The following FBXO36 variants were observed in gnomAD, a reference collection of about 807,000 sequenced individuals.
The protein encoded by FBXO36 is F-box protein 36, also known as F-box only protein 36.
Under a neutral mutation model 17.0 loss-of-function variants are expected in FBXO36, and 18 were observed. The ratio of observed to expected loss-of-function variants is 1.06; its 90% CI spans 0.73 to 1.57. The LOEUF is 1.57. Among genes scored for constraint, FBXO36 ranks in the 40% most tolerant of loss-of-function variants. FBXO36 has a pLI of 0.00. For missense variants in FBXO36, 229 were observed against 221.9 expected, an observed-to-expected ratio of 1.03 and a Z score of -0.20; for synonymous variants, 83 against 85.3, an observed-to-expected ratio of 0.97 and a Z score of 0.15.
At chr2:230,003,090 A>G (rs2077368693) in intron 3 of FBXO36, among the ~76,000 whole-genome samples, 1 of 151,650 alleles carries the variant, frequency 6.6e-6, no homozygotes, top group Non-Finnish European at 1.5e-5. Flanking sequence ...GCATGCGCCT[A>G]TAGTCCCAGC....
intron 1 of FBXO36, among the ~76,000 whole-genome samples, chr2:229,954,191 A>G (rs1337702188): frequency 1.3e-5 from 2 of 149,950 alleles, no homozygotes; most frequent in African/African-American, 4.9e-5. Flanking sequence ...TTGTTGACTC[A>G]ATAGGTAAAT....
At chr2:229,967,974 C>G (rs1198064242) in intron 1 of FBXO36, among the ~76,000 whole-genome samples, 1 of 152,050 alleles carries the variant, frequency 6.6e-6, no homozygotes. Flanking sequence ...CCTTGTACCT[C>G]TGGTAGAATT....
At chr2:229,998,575 T>A (rs1016790073) in intron 3 of FBXO36, among the ~76,000 whole-genome samples, 1 of 150,828 alleles carries the variant, frequency 6.6e-6, no homozygotes. Flanking sequence ...TGAGCCAAGA[T>A]CGTGCCATTG....
chr2:230,003,995 G>A (rs1275337029), intron 3 of FBXO36, among the ~76,000 whole-genome samples: 1 of 152,198 alleles, frequency 6.6e-6, no homozygotes, highest in Non-Finnish European at 1.5e-5. Flanking sequence ...GGCCTTTAAT[G>A]GCTTCCTGTC....
At chr2:229,999,976 G>A (rs796832585) in intron 3 of FBXO36, among the ~76,000 whole-genome samples, 6 of 152,038 alleles carry the variant, frequency 3.9e-5, no homozygotes, top group African/African-American at 1.4e-4. Flanking sequence ...CCTAAAAATG[G>A]AAAGCTGAAA....
At chr2:229,995,048 A>C (rs2077317848) in intron 2 of FBXO36, among the ~76,000 whole-genome samples, 1 of 152,054 alleles carries the variant, frequency 6.6e-6, no homozygotes, top group Admixed American at 6.6e-5. Flanking sequence ...CAGGGGGCGG[A>C]GGTTGCAGTG....
chr2:229,956,437 G>T (rs1426938642), intron 1 of FBXO36, among the ~76,000 whole-genome samples: 2 of 152,186 alleles, frequency 1.3e-5, no homozygotes, highest in Non-Finnish European at 2.9e-5. Context: ...TCACAAGAAA[G>T]AAAATATCCG....
intron 2 of FBXO36, among the ~76,000 whole-genome samples, chr2:229,984,410 A>G (rs903497312): frequency 5.3e-5 from 8 of 149,666 alleles, no homozygotes; most frequent in African/African-American, 2.0e-4. Flanking sequence ...TTATTTTTTG[A>G]GTCGGAGTCT....
intron 1 of FBXO36, among the ~76,000 whole-genome samples, chr2:229,938,435 A>G (rs1279651059): frequency 6.9e-6 from 1 of 144,486 alleles, no homozygotes; most frequent in African/African-American, 2.6e-5. Context: ...GGCGTTGTAG[A>G]GATGGCGTGA....
intron 3 of FBXO36, among the ~76,000 whole-genome samples, chr2:230,004,572 C>T (rs1361616442): frequency 6.6e-6 from 1 of 152,230 alleles, no homozygotes; most frequent in Non-Finnish European, 1.5e-5. Context: ...ATATTCTACA[C>T]ATGTAGAACC....
chr2:229,974,966 T>A (rs1261588707), intron 1 of FBXO36, among the ~76,000 whole-genome samples: 2 of 152,198 alleles, frequency 1.3e-5, no homozygotes, highest in Non-Finnish European at 2.9e-5. Context: ...CATAATTTGG[T>A]CTGTTTCTCA....
intron 3 of FBXO36, among the ~76,000 whole-genome samples, chr2:230,004,038 C>T (rs543367921): frequency 6.6e-6 from 1 of 151,678 alleles, no homozygotes; most frequent in South Asian, 2.1e-4. Context: ...TCGTAGCCAG[C>T]ACAGCCACGG....
intron 3 of FBXO36, among the ~76,000 whole-genome samples, chr2:230,000,983 T>TAG (rs944347546): frequency 5.2e-4 from 78 of 150,394 alleles, no homozygotes; most frequent in Non-Finnish European, 7.5e-4. Flanking sequence ...GCCTCCTGAG[T>TAG]AGCTGGGTGG....
intron 1 of FBXO36, among the ~76,000 whole-genome samples, chr2:229,925,191 C>T (rs1477668389): frequency 1.3e-5 from 2 of 151,814 alleles, no homozygotes; most frequent in African/African-American, 4.8e-5. Flanking sequence ...TATATAAAAT[C>T]CTAAATTCTG....
chr2:229,948,763 G>A (rs1292186860), intron 1 of FBXO36, among the ~76,000 whole-genome samples: 1 of 152,174 alleles, frequency 6.6e-6, no homozygotes, highest in Non-Finnish European at 1.5e-5. Flanking sequence ...GAAAGTGACG[G>A]AAAACCCAAA....
chr2:229,950,757 T>C (rs1271232945), intron 1 of FBXO36, among the ~76,000 whole-genome samples: 2 of 146,796 alleles, frequency 1.4e-5, no homozygotes, highest in African/African-American at 5.0e-5. Context: ...GGCTACTTTT[T>C]TTTTTTTTTT....
Position 229,933,249 on chromosome 2 carries a change from G to A in FBXO36, c.96+10640G>A, listed in dbSNP as rs115494481. 2.6e-3 allele frequency among the ~76,000 whole-genome samples: 394 copies of A among 152,138 alleles called. 2 individuals are homozygous for A. Among genetic ancestry groups the A allele is most frequent in the African/African-American group, 8.6e-3 (355 of 41,486 alleles). ...CTAAAAATACAAAAATTAGCCAGGCGTGGCGGTAGAGTCCTATAATTCTAG... is the reference window on the plus strand; with the variant it reads ...CTAAAAATACAAAAATTAGCCAGGCATGGCGGTAGAGTCCTATAATTCTAG... On this transcript the variant is annotated intron_variant, in intron 1 of 3. Coordinates refer to ENST00000283946, the MANE Select transcript of FBXO36 (RefSeq NM_174899.5).
At chr2:229,981,296 C>A (rs2077238227) in intron 2 of FBXO36, among the ~76,000 whole-genome samples, 1 of 152,018 alleles carries the variant, frequency 6.6e-6, no homozygotes. Flanking sequence ...TGAGACCAGC[C>A]TGGGTAACAC....
At chr2:229,966,890 T>A (rs1293435601) in intron 1 of FBXO36, among the ~76,000 whole-genome samples, 3 of 152,220 alleles carry the variant, frequency 2.0e-5, no homozygotes, top group African/African-American at 7.2e-5. Context: ...ATATGAACTT[T>A]AAAGTAGTTT....
Sources: allele counts gnomAD v4.1 joint callset (sites outside exome capture counted in the v4.1 genomes callset), GRCh38; gene constraint gnomAD v4.1.1; transcripts MANE v1.5; gene names NCBI Gene and HGNC (gene_info 2026-07-23, HGNC 2026-07-21).